The following ADGRL4 variants were observed in gnomAD, a reference collection of about 807,000 sequenced individuals.
ADGRL4 encodes EGF, latrophilin and seven transmembrane domain containing 1.
Under a neutral mutation model 74.8 loss-of-function variants are expected in ADGRL4, and 90 were observed. That is an observed-to-expected ratio of 1.20 (90% confidence interval 1.02 to 1.43). ADGRL4 has a LOEUF of 1.43. Among genes scored for constraint, ADGRL4 ranks in the 40% most tolerant of loss-of-function variants. ADGRL4 has a pLI of 0.00. For missense variants in ADGRL4, 881 were observed against 814.3 expected, an observed-to-expected ratio of 1.08 and a Z score of -1.00; for synonymous variants, 311 against 279.2, an observed-to-expected ratio of 1.11 and a Z score of -1.14.
At position 78,909,533 on chromosome 1, in the gene ADGRL4, G is replaced by T. The variant is rs189921174; in HGVS notation, c.1749+8101C>A. ...CAGACAGGACAGCCTCCACAACAAAGATTTGATCCAACGTGTCAGCTCTGC... is the reference window on the plus strand; with the variant it reads ...CAGACAGGACAGCCTCCACAACAAATATTTGATCCAACGTGTCAGCTCTGC... On this transcript the variant is annotated intron_variant, in intron 12 of 14. Transcript: ENST00000370742. 1.3e-3 allele frequency among the ~76,000 whole-genome samples: 199 copies of T among 151,984 alleles called. 1 individual carries two copies. The highest frequency in any genetic ancestry group is 3.1e-3 in the South Asian group (15 of 4,832).
At chr1:78,974,197 C>G (rs912379119) in intron 2 of ADGRL4, among the ~76,000 whole-genome samples, 1 of 152,084 alleles carries the variant, frequency 6.6e-6, no homozygotes. Flanking sequence ...TGGAGTGACT[C>G]TTCTGATTTT....
intron 6 of ADGRL4, among the ~76,000 whole-genome samples, chr1:78,936,852 A>G (rs111350086): frequency 3.9e-5 from 6 of 152,198 alleles, no homozygotes; most frequent in African/African-American, 9.6e-5. Context: ...GAGCACCTAT[A>G]TATTAGTCAT....
intron 2 of ADGRL4, among the ~76,000 whole-genome samples, chr1:78,994,111 T>G (rs951128763): frequency 6.6e-6 from 1 of 152,078 alleles, no homozygotes; most frequent in African/African-American, 2.4e-5. Flanking sequence ...AATAAATAAG[T>G]CAATGAAAAT....
chr1:78,947,741 G>A (rs183869649), intron 2 of ADGRL4, among the ~76,000 whole-genome samples: 92 of 152,128 alleles, frequency 6.0e-4, no homozygotes, highest in African/African-American at 2.1e-3. Context: ...AAAGTGACTG[G>A]GATATTCTGA....
chr1:78,933,985 C>G (rs191255730), intron 7 of ADGRL4, among the ~76,000 whole-genome samples: 2 of 152,070 alleles, frequency 1.3e-5, no homozygotes, highest in Non-Finnish European at 2.9e-5. Flanking sequence ...GAATCAATAT[C>G]GTGAAAATGG....
At chr1:78,998,454 C>T (rs1225171270) in intron 2 of ADGRL4, among the ~76,000 whole-genome samples, 1 of 143,530 alleles carries the variant, frequency 7.0e-6, no homozygotes, top group Non-Finnish European at 1.5e-5. Context: ...ACTGCAACCT[C>T]TGCCTCCTGG....
chr1:78,962,887 G>A (rs1241250213), intron 2 of ADGRL4, among the ~76,000 whole-genome samples: 1 of 152,012 alleles, frequency 6.6e-6, no homozygotes, highest in Non-Finnish European at 1.5e-5. Flanking sequence ...ATAAAATAGG[G>A]TGCCAATCTA....
At chr1:78,964,770 G>C (rs1472710769) in intron 2 of ADGRL4, among the ~76,000 whole-genome samples, 1 of 152,098 alleles carries the variant, frequency 6.6e-6, no homozygotes, top group African/African-American at 2.4e-5. Context: ...TTGAGATACT[G>C]TTAAACTCAT....
At chr1:78,932,002 C>A (rs1649252905) in intron 7 of ADGRL4, among the ~76,000 whole-genome samples, 1 of 151,340 alleles carries the variant, frequency 6.6e-6, no homozygotes, top group Admixed American at 6.6e-5. Flanking sequence ...GCCCCACTGT[C>A]CATATTAGAC....
intron 2 of ADGRL4, among the ~76,000 whole-genome samples, chr1:78,980,676 G>T (rs1370020230): frequency 6.6e-6 from 1 of 151,876 alleles, no homozygotes; most frequent in Admixed American, 6.6e-5. Flanking sequence ...CAGTTCTGAA[G>T]AAATACTTTA....
chr1:78,936,436 A>G, intron 6 of ADGRL4, 25 bp from the exon 7 acceptor site: 1 of 1,540,652 alleles, frequency 6.5e-7, no homozygotes, highest in Non-Finnish European at 8.8e-7. Flanking sequence ...TGAAAATAAA[A>G]AAAGTGAAAT....
chr1:78,997,531 T>C (rs1650742047), intron 2 of ADGRL4, among the ~76,000 whole-genome samples: 1 of 152,182 alleles, frequency 6.6e-6, no homozygotes, highest in Non-Finnish European at 1.5e-5. Flanking sequence ...ATAAGTTTTT[T>C]TTTGTTGTGT....
chr1:78,957,431 C>T (rs1307849240), intron 2 of ADGRL4, among the ~76,000 whole-genome samples: 2 of 152,152 alleles, frequency 1.3e-5, no homozygotes, highest in Non-Finnish European at 2.9e-5. Flanking sequence ...TTAAAAGTGC[C>T]ACTCCAGTGA....
At chr1:78,995,085 A>C (rs2100737584) in intron 2 of ADGRL4, among the ~76,000 whole-genome samples, 1 of 152,314 alleles carries the variant, frequency 6.6e-6, no homozygotes. Flanking sequence ...GGATTTGTGC[A>C]CCATCTTATT....
chr1:78,926,979 T>C lies in ADGRL4; in HGVS notation c.990A>G (p.Arg330=), dbSNP rs894059724. The change falls in exon 8 of 15, where the codon AGA becomes AGG. Residue 330 remains arginine, a synonymous_variant. Coordinates refer to ENST00000370742, the MANE Select transcript of ADGRL4 (RefSeq NM_022159.4). ...QNYDNSEEEE[R]VISSVISVSM... ...AGACTGAAATTACTGAAGATATGAC[T>C]CTTTCCTCCTCTTCAGAATTATCAT... 8 of 1,611,390 alleles carry C rather than the reference T, an allele frequency of 5.0e-6. No homozygotes were observed. In the South Asian group the frequency reaches 5.5e-5, roughly 11 times the overall value.
At chr1:78,930,544 C>A (rs1426131553) in intron 7 of ADGRL4, among the ~76,000 whole-genome samples, 1 of 148,820 alleles carries the variant, frequency 6.7e-6, no homozygotes, top group Non-Finnish European at 1.5e-5. Flanking sequence ...CTACATCTCC[C>A]CGGTTCAAGC....
At chr1:78,942,219 G>T (rs1024055651) in intron 3 of ADGRL4, among the ~76,000 whole-genome samples, 11 of 129,490 alleles carry the variant, frequency 8.5e-5, no homozygotes, top group African/African-American at 3.1e-4. Flanking sequence ...TAATCCAAAA[G>T]AGTTCTACCT....
intron 2 of ADGRL4, among the ~76,000 whole-genome samples, chr1:78,965,106 CT>C (rs1190426771): frequency 6.6e-6 from 1 of 151,868 alleles, no homozygotes; most frequent in African/African-American, 2.4e-5. Flanking sequence ...TATAGAAATC[CT>C]TTTGATGCTT....
chr1:78,963,026 T>A (rs2100709980), intron 2 of ADGRL4, among the ~76,000 whole-genome samples: 1 of 152,306 alleles, frequency 6.6e-6, no homozygotes, highest in East Asian at 1.9e-4. Flanking sequence ...GCCCTCTGTT[T>A]TAAACTGTGA....
Sources: allele counts gnomAD v4.1 joint callset (sites outside exome capture counted in the v4.1 genomes callset), GRCh38; gene constraint gnomAD v4.1.1; transcripts MANE v1.5; gene names NCBI Gene and HGNC (gene_info 2026-07-23, HGNC 2026-07-21).